The following KIRREL3 variants were observed in gnomAD, a reference collection of about 807,000 sequenced individuals.
KIRREL3 encodes kirre like nephrin family adhesion molecule 3.
Under a neutral mutation model 89.7 loss-of-function variants are expected in KIRREL3, and 36 were observed. That is an observed-to-expected ratio of 0.40 (90% CI 0.31 to 0.53). The LOEUF (loss-of-function observed/expected upper bound fraction) is 0.53, where lower values mean the gene tolerates loss of function less well. KIRREL3 is among the 20% of genes least tolerant of loss of function. The pLI is 0.49. For synonymous variants in KIRREL3, 445 were observed against 441.4 expected, an observed-to-expected ratio of 1.01 and a Z score of -0.10; for missense variants, 864 against 1,056.6, an observed-to-expected ratio of 0.82 and a Z score of 2.53.
chr11:126,482,721 G>T (rs1448186264), intron 4 of KIRREL3, among the ~76,000 whole-genome samples: 1 of 152,188 alleles, frequency 6.6e-6, no homozygotes, highest in Non-Finnish European at 1.5e-5. Context: ...GCTGGGAGCT[G>T]GGTGAAGACC....
At chr11:126,961,638 G>A (rs1381444306) in intron 1 of KIRREL3, among the ~76,000 whole-genome samples, 25 of 152,218 alleles carry the variant, frequency 1.6e-4, no homozygotes, top group Admixed American at 1.6e-3. Flanking sequence ...TGCTGATGTA[G>A]AAGCTGTAGC....
rs576565831 is a variant in KIRREL3, at chr11:126,841,844, T to C, written c.55+158611A>G. On this transcript the variant is annotated intron_variant, in intron 1 of 16. Coordinates refer to ENST00000525144, the MANE Select transcript of KIRREL3 (RefSeq NM_032531.4). ...GTCTTAGTCATGCTCACCTACCCAA[T>C]AGTTGGTTTTTTCCTACTTAAATCC... is the stretch of plus-strand genomic sequence containing the variant. Among the ~76,000 whole-genome samples the C allele has an allele frequency of 5.9e-5, 9 of 152,262 alleles. No homozygotes were observed. In the South Asian group the frequency reaches 1.9e-3, roughly 32 times the overall value.
At chr11:126,542,585 A>G (rs75690367) in intron 2 of KIRREL3, among the ~76,000 whole-genome samples, 15,695 of 152,234 alleles carry the variant, frequency 0.1, 959 homozygotes, top group Admixed American at 0.16. Context: ...AGGGGAGAAC[A>G]TCACCTCTGG....
chr11:126,836,483 A>AAGTT (rs1162139270), intron 1 of KIRREL3, among the ~76,000 whole-genome samples: 1 of 151,820 alleles, frequency 6.6e-6, no homozygotes, highest in Non-Finnish European at 1.5e-5. Context: ...GCCTGAACTT[A>AAGTT]AACTAAACAG....
Position 126,752,859 on chromosome 11 carries a change from G to A in KIRREL3, c.56-189947C>T, listed in dbSNP as rs1375000282. On this transcript the variant is annotated intron_variant, in intron 1 of 16. Coordinates refer to ENST00000525144, the MANE Select transcript of KIRREL3 (RefSeq NM_032531.4). This position sits in a 1 kb window ranked among gnomAD's most constrained non-coding sequence, Gnocchi z 4.8. ...TTGGAGGCACGGAAATGTTGATGGA[G>A]AAAAGCCCTCTTCTTTGTATAAAAC... Among the ~76,000 whole-genome samples the A allele has an allele frequency of 6.6e-6, 1 of 152,200 alleles. No individual in the cohort carries two copies. The highest frequency in any genetic ancestry group is 1.5e-5 in the Non-Finnish European group (1 of 68,030).
rs568032830 is a variant in KIRREL3 at position 126,989,432 on chromosome 11, C to T, written c.55+11023G>A. ...GGAAGCTGCTGGGGTCTCAGCACAC[C>T]GTATAGAAAATCCCTCCAGCAACTT... is the stretch of plus-strand genomic sequence containing the variant. On this transcript the variant is annotated intron_variant, in intron 1 of 16. Coordinates refer to ENST00000525144, the MANE Select transcript of KIRREL3 (RefSeq NM_032531.4). The surrounding 1 kb of genome is among the most constrained non-coding windows in gnomAD (Gnocchi z 6.2). 2.2e-4 allele frequency among the ~76,000 whole-genome samples: 34 copies of T among 152,124 alleles called. No individual in the cohort carries two copies. The highest frequency in any genetic ancestry group is 7.5e-4 in the African/African-American group (31 of 41,516).
At chr11:126,984,439 G>A (rs1015572256) in intron 1 of KIRREL3, among the ~76,000 whole-genome samples, 1 of 152,112 alleles carries the variant, frequency 6.6e-6, no homozygotes. Flanking sequence ...TGACAGGGGG[G>A]CAGACGGACA....
In KIRREL3 at chr11:126,430,245, G is replaced by C. The variant is rs377504133; in HGVS notation, c.1697-957C>G. Reference sequence around the variant, plus strand: ...GGACCACTTGAGGCCAGGAGTTCGAGACCAGCCTGGGCAACATGGTGAAAT... The same window carrying C: ...GGACCACTTGAGGCCAGGAGTTCGACACCAGCCTGGGCAACATGGTGAAAT... On this transcript the variant is annotated intron_variant, in intron 14 of 16. Coordinates refer to ENST00000525144, the MANE Select transcript of KIRREL3 (RefSeq NM_032531.4). This position sits in a 1 kb window ranked among gnomAD's most constrained non-coding sequence, Gnocchi z 6.6. Among the ~76,000 whole-genome samples the C allele has an allele frequency of 1.1e-4, 17 of 151,672 alleles. No homozygotes were observed. The highest frequency in any genetic ancestry group is 6.9e-3 in the Middle Eastern group (2 of 290).
rs567034941 is a variant in KIRREL3 at position 126,513,530 on chromosome 11, G to A, written c.433+7785C>T. On this transcript the variant is annotated intron_variant, in intron 4 of 16. Transcript: ENST00000525144. The surrounding 1 kb of genome is among the most constrained non-coding windows in gnomAD (Gnocchi z 5.9). The stretch of plus-strand genomic sequence containing the variant: ...TCCCTGAGGGATCCTCTCTTCCTCC[G>A]GGCCTTGGAAGTCGTTTAATGCTTG... Among the ~76,000 whole-genome samples, 14 of 152,196 alleles carry A rather than the reference G, an allele frequency of 9.2e-5. No homozygotes were observed. Among genetic ancestry groups the A allele is most frequent in the Middle Eastern group, 3.4e-3 (1 of 294 alleles).
chr11:126,980,475 T>C (rs1338840832), intron 1 of KIRREL3, among the ~76,000 whole-genome samples: 3 of 151,994 alleles, frequency 2.0e-5, no homozygotes, highest in Non-Finnish European at 4.4e-5. Flanking sequence ...GAGGAGTAAA[T>C]TGTGTACCCT....
rs1958727028 is a variant in KIRREL3, at chr11:126,525,664, A to T, written c.283+874T>A. On this transcript the variant is annotated intron_variant, in intron 3 of 16. Coordinates refer to ENST00000525144, the MANE Select transcript of KIRREL3 (RefSeq NM_032531.4). This position sits in a 1 kb window ranked among gnomAD's most constrained non-coding sequence, Gnocchi z 5.4. The stretch of plus-strand genomic sequence containing the variant: ...TATTTTTCTCTCCTCCTCCACCCTT[A>T]GCTATTCCCAAATCACAGGGGAATG... Among the ~76,000 whole-genome samples, 1 of 152,166 alleles carries T rather than the reference A, an allele frequency of 6.6e-6. No individual in the cohort carries two copies.
chr11:126,997,372 G>T lies in KIRREL3; in HGVS notation c.55+3083C>A, dbSNP rs1347757267. Reference sequence around the variant, plus strand: ...TGAGGGAAGAGGCATCCACGGCAAGGGAGAAGCCCACAAGCAGTACACACT... The same window carrying T: ...TGAGGGAAGAGGCATCCACGGCAAGTGAGAAGCCCACAAGCAGTACACACT... On this transcript the variant is annotated intron_variant, in intron 1 of 16. Coordinates refer to ENST00000525144, the MANE Select transcript of KIRREL3 (RefSeq NM_032531.4). This position sits in a 1 kb window ranked among gnomAD's most constrained non-coding sequence, Gnocchi z 4.3. Among the ~76,000 whole-genome samples the T allele has an allele frequency of 6.6e-6, 1 of 152,152 alleles. No homozygotes were observed. Among genetic ancestry groups the T allele is most frequent in the African/African-American group, 2.4e-5 (1 of 41,436 alleles).
At chr11:126,951,891 G>C (rs902960022) in intron 1 of KIRREL3, among the ~76,000 whole-genome samples, 3 of 152,166 alleles carry the variant, frequency 2.0e-5, no homozygotes, top group African/African-American at 7.2e-5. Flanking sequence ...GAAATCTGTA[G>C]TGATGAACTT....
rs1236415580 is a variant in KIRREL3, at chr11:126,740,883, A to G, written c.56-177971T>C. Among the ~76,000 whole-genome samples, 7 of 152,180 alleles carry G rather than the reference A, an allele frequency of 4.6e-5. No individual in the cohort carries two copies. The highest frequency in any genetic ancestry group is 2.4e-5 in the African/African-American group (1 of 41,432). ...CCACTCACTGAGAAAGAAGATATCC[A>G]TTGTTCCATGAGAGTCCCCCATGGT... On this transcript the variant is annotated intron_variant, in intron 1 of 16. Transcript: ENST00000525144. This position sits in a 1 kb window ranked among gnomAD's most constrained non-coding sequence, Gnocchi z 6.0.
chr11:126,850,945 T>G (rs1352943883), intron 1 of KIRREL3, among the ~76,000 whole-genome samples: 1 of 152,166 alleles, frequency 6.6e-6, no homozygotes, highest in Non-Finnish European at 1.5e-5. Context: ...ACACATACAC[T>G]GCAAAATAAA....
At chr11:126,712,667 G>A (rs1417586039) in intron 1 of KIRREL3, among the ~76,000 whole-genome samples, 1 of 144,316 alleles carries the variant, frequency 6.9e-6, no homozygotes, top group Non-Finnish European at 1.5e-5. Context: ...CTCAAGAGGA[G>A]GGAAAGTGGG....
Position 126,455,885 on chromosome 11 carries a change from GC to G in KIRREL3, c.848+463del, listed in dbSNP as rs1301723547. Among the ~76,000 whole-genome samples the G allele has an allele frequency of 6.6e-6, 1 of 152,016 alleles. No homozygotes were observed. Among genetic ancestry groups the G allele is most frequent in the Non-Finnish European group, 1.5e-5 (1 of 68,002 alleles). On this transcript the variant is annotated intron_variant, in intron 7 of 16. Transcript: ENST00000525144. The surrounding 1 kb of genome is among the most constrained non-coding windows in gnomAD (Gnocchi z 6.4). ...TGTTGTGAGCAAGAGACACACAGGGGCCATGAGTAAGTGTGATCCCGGATGC... is the reference window on the plus strand; with the variant it reads ...TGTTGTGAGCAAGAGACACACAGGGGCATGAGTAAGTGTGATCCCGGATGC...
At chr11:126,911,785 C>T (rs1946826934) in intron 1 of KIRREL3, among the ~76,000 whole-genome samples, 2 of 151,958 alleles carry the variant, frequency 1.3e-5, no homozygotes, top group Admixed American at 1.3e-4. Flanking sequence ...AGATCGAGAC[C>T]ATCCTGGCTA....
At chr11:126,986,709 T>C (rs536928060) in intron 1 of KIRREL3, among the ~76,000 whole-genome samples, 62 of 152,366 alleles carry the variant, frequency 4.1e-4, no homozygotes, top group African/African-American at 1.4e-3. Context: ...TTCCACATCA[T>C]AGGTATGACC....
Sources: gnomAD v4.1 joint callset for allele counts (sites outside exome capture counted in the v4.1 genomes callset) on GRCh38, gnomAD v4.1.1 for gene constraint, Gnocchi (gnomAD v3.1) non-coding constraint, MANE v1.5 for transcripts, NCBI Gene and HGNC (gene_info 2026-07-23, HGNC 2026-07-21) for gene names.